The following IMPG1 variants were observed in gnomAD, a reference collection of about 807,000 sequenced individuals.
IMPG1 encodes the protein interphotoreceptor matrix proteoglycan of 150 kDa.
In IMPG1, 85 loss-of-function variants were observed where a neutral mutation model predicts 92.0. The observed-to-expected ratio is 0.92, with a 90% CI of 0.78 to 1.11. The LOEUF (loss-of-function observed/expected upper bound fraction) is 1.11, where lower values mean the gene tolerates loss of function less well. IMPG1 is among the 50% of genes least tolerant of loss of function. The pLI, the probability that IMPG1 is intolerant of heterozygous loss-of-function variation, is 0.00. For synonymous variants in IMPG1, 367 were observed against 334.1 expected, an observed-to-expected ratio of 1.10 and a Z score of -1.08; for missense variants, 1,022 against 956.0, an observed-to-expected ratio of 1.07 and a Z score of -0.91.
chr6:76,063,091 C>G (rs1258648114), intron 1 of IMPG1, among the ~76,000 whole-genome samples: 1 of 151,936 alleles, frequency 6.6e-6, no homozygotes, highest in Non-Finnish European at 1.5e-5. Context: ...GTAGTCACAG[C>G]TACTTGGGAG....
intron 12 of IMPG1, among the ~76,000 whole-genome samples, chr6:75,987,094 C>T (rs1425823108): frequency 6.6e-6 from 1 of 152,064 alleles, no homozygotes; most frequent in Non-Finnish European, 1.5e-5. Context: ...CAGTTAAGGC[C>T]TAGGTATTGC....
intron 12 of IMPG1, among the ~76,000 whole-genome samples, chr6:75,987,926 C>T (rs764955710): frequency 1.3e-5 from 2 of 152,256 alleles, no homozygotes; most frequent in Non-Finnish European, 2.9e-5. Context: ...GGATTACAGG[C>T]GTGAGCCACC....
chr6:76,025,121 G>A, intron 5 of IMPG1, 73 bp downstream of exon 5: 2 of 865,714 alleles, frequency 2.3e-6, no homozygotes, highest in African/African-American at 1.7e-5. Context: ...ATTAGGAATT[G>A]TTTTATAAAT....
At chr6:75,968,274 A>G (rs74909018) in intron 12 of IMPG1, among the ~76,000 whole-genome samples, 9,862 of 152,296 alleles carry the variant, frequency 0.065, 418 homozygotes, top group South Asian at 0.11. Flanking sequence ...TTAATATTTT[A>G]GGTGGTTTTT....
At chr6:76,004,102 G>A (rs1783048494) in intron 10 of IMPG1, 152 bp from the exon 11 acceptor site, 1 of 605,442 alleles carries the variant, frequency 1.7e-6, no homozygotes, top group Admixed American at 3.4e-5. Context: ...TAGAAAAAAG[G>A]TCATTAATCT....
At chr6:76,042,451 T>C (rs1008740399) in intron 1 of IMPG1, among the ~76,000 whole-genome samples, 4 of 152,090 alleles carry the variant, frequency 2.6e-5, no homozygotes, top group South Asian at 2.1e-4. Flanking sequence ...TCTCAAGAGA[T>C]GTCTCTTATG....
intron 12 of IMPG1, among the ~76,000 whole-genome samples, chr6:75,973,805 T>C (rs1474157451): frequency 6.6e-6 from 1 of 152,190 alleles, no homozygotes; most frequent in African/African-American, 2.4e-5. Context: ...GCATGCCAAG[T>C]GCTGCTAAAG....
chr6:75,947,346 T>TCCAG lies in IMPG1; in HGVS notation c.2008_2011dup (p.Glu671AlafsTer11), dbSNP rs1476770333. On this transcript the variant is annotated frameshift_variant, in exon 14 of 17. Transcript: ENST00000369950. LOFTEE classifies it high-confidence loss of function. Reference sequence around the variant, plus strand: ...AATGTTGAGAGAGTAGCTGTCTATTTCCAGATGGAGTTGTTGGGCTGCAGC... The same window carrying TCCAG: ...AATGTTGAGAGAGTAGCTGTCTATTTCCAGCCAGATGGAGTTGTTGGGCTGCAGC... The TCCAG allele has an allele frequency of 6.2e-7, 1 of 1,613,918 alleles. No homozygotes were observed. Among genetic ancestry groups the TCCAG allele is most frequent in the East Asian group, 2.2e-5 (1 of 44,878 alleles).
chr6:75,959,135 C>A (rs1041776632), intron 12 of IMPG1, among the ~76,000 whole-genome samples: 2 of 152,124 alleles, frequency 1.3e-5, no homozygotes, highest in African/African-American at 4.8e-5. Flanking sequence ...CAGTCAGGCC[C>A]CTCTGCTGCA....
At chr6:76,032,267 AT>A (rs968851224) in intron 4 of IMPG1, among the ~76,000 whole-genome samples, 8 of 149,066 alleles carry the variant, frequency 5.4e-5, no homozygotes, top group East Asian at 2.0e-4. Flanking sequence ...CATTCTGTTG[AT>A]TTTTTTTTCT....
At chr6:76,012,003 CTAT>C (rs1161231330) in intron 7 of IMPG1, among the ~76,000 whole-genome samples, 1 of 151,650 alleles carries the variant, frequency 6.6e-6, no homozygotes, top group Non-Finnish European at 1.5e-5. Flanking sequence ...AATATTTTAG[CTAT>C]GATATTTTCT....
At chr6:76,023,483 C>A (rs1383667441) in intron 5 of IMPG1, among the ~76,000 whole-genome samples, 3 of 152,178 alleles carry the variant, frequency 2.0e-5, no homozygotes, top group African/African-American at 7.2e-5. Context: ...CACCTAAAAA[C>A]AATTATTAGG....
At chr6:76,025,082 G>T in intron 5 of IMPG1, 112 bp downstream of exon 5, 1 of 704,770 alleles carries the variant, frequency 1.4e-6, no homozygotes, top group Non-Finnish European at 2.5e-6. Flanking sequence ...AGCTAGTTTT[G>T]AGAAAGTACA....
intron 16 of IMPG1, 143 bp from the exon 17 acceptor site, chr6:75,922,309 A>G (rs72884297): frequency 0.027 from 15,357 of 564,828 alleles, 299 homozygotes; most frequent in Middle Eastern, 0.051. Context: ...AGATGGCCTC[A>G]AAATATTCTT....
At chr6:75,994,782 C>T (rs1416075977) in intron 12 of IMPG1, among the ~76,000 whole-genome samples, 2 of 152,178 alleles carry the variant, frequency 1.3e-5, no homozygotes, top group African/African-American at 4.8e-5. Context: ...GGTGGGGATA[C>T]AGCAAAACCA....
intron 1 of IMPG1, among the ~76,000 whole-genome samples, chr6:76,048,682 A>T (rs1783986473): frequency 6.6e-6 from 1 of 152,144 alleles, no homozygotes; most frequent in Non-Finnish European, 1.5e-5. Context: ...TACCTCTATT[A>T]AAAAAATCCT....
intron 12 of IMPG1, among the ~76,000 whole-genome samples, chr6:75,972,438 C>T (rs1582076358): frequency 6.9e-6 from 1 of 145,742 alleles, no homozygotes; most frequent in East Asian, 2.2e-4. Context: ...AATCCTCTCT[C>T]CCCTTTTTTT....
At chr6:75,957,006 GC>G (rs1166716764) in intron 12 of IMPG1, among the ~76,000 whole-genome samples, 1 of 152,046 alleles carries the variant, frequency 6.6e-6, no homozygotes, top group Admixed American at 6.6e-5. Context: ...TGCAACTTCT[GC>G]CTCCCGGGTT....
chr6:75,971,023 G>A (rs1034693457), intron 12 of IMPG1, among the ~76,000 whole-genome samples: 2 of 152,058 alleles, frequency 1.3e-5, no homozygotes, highest in African/African-American at 4.8e-5. Context: ...GCACATGTAT[G>A]TTTATTGCGG....
Sources: allele counts gnomAD v4.1 joint callset (sites outside exome capture counted in the v4.1 genomes callset), GRCh38; gene constraint gnomAD v4.1.1; transcripts MANE v1.5; gene names NCBI Gene and HGNC (gene_info 2026-07-23, HGNC 2026-07-21).